The following GAD2 variants were observed in gnomAD, a reference collection of about 807,000 sequenced individuals.
The protein encoded by GAD2 is glutamate decarboxylase 2.
A neutral mutation model predicts 80.1 loss-of-function variants in GAD2; 22 were observed. The ratio of observed to expected loss-of-function variants is 0.27; its 90% CI spans 0.20 to 0.39. The LOEUF is 0.39. GAD2 is among the 10% of genes least tolerant of loss of function. The pLI, the probability that GAD2 is intolerant of heterozygous loss-of-function variation, is 1.00. For missense variants in GAD2, 624 were observed against 738.4 expected, an observed-to-expected ratio of 0.85 and a Z score of 1.80; for synonymous variants, 274 against 256.9, an observed-to-expected ratio of 1.07 and a Z score of -0.64.
At chr10:26,247,064 A>G (rs1199821047) in intron 8 of GAD2, among the ~76,000 whole-genome samples, 4 of 152,232 alleles carry the variant, frequency 2.6e-5, no homozygotes, top group Non-Finnish European at 5.9e-5. Flanking sequence ...GTGAAATGAA[A>G]GCAAGTTTAT....
rs1247686822 is a variant in GAD2 at position 26,304,421 on chromosome 10, G to A, written c.*3460G>A. Reference sequence around the variant, plus strand: ...CCCCCAACATTACTCCATTACTAAAGACAGAAAAAAATAAAAACATAAAAT... The same window carrying A: ...CCCCCAACATTACTCCATTACTAAAAACAGAAAAAAATAAAAACATAAAAT... On this transcript the variant is annotated 3_prime_UTR_variant, in exon 16 of 16. Coordinates refer to ENST00000376261, the MANE Select transcript of GAD2 (RefSeq NM_001134366.2). 1 of 152,516 alleles carries A rather than the reference G, an allele frequency of 6.6e-6. No individual in the cohort carries two copies. The highest frequency in any genetic ancestry group is 1.9e-4 in the East Asian group (1 of 5,204). 9.4% of individuals were successfully genotyped at this position (152,516 alleles called of 1,614,324 possible).
chr10:26,253,948 G>T (rs1844912788), intron 8 of GAD2, among the ~76,000 whole-genome samples: 1 of 152,042 alleles, frequency 6.6e-6, no homozygotes, highest in East Asian at 1.9e-4. Context: ...GAGGGGCGGG[G>T]GTGGCAGATG....
chr10:26,229,503 G>T (rs888268005), intron 6 of GAD2, among the ~76,000 whole-genome samples, 159 bp from the exon 7 acceptor site: 2 of 152,138 alleles, frequency 1.3e-5, no homozygotes, highest in African/African-American at 4.8e-5. Context: ...TGCCCTCTGG[G>T]GTAGCGCCTT....
intron 8 of GAD2, among the ~76,000 whole-genome samples, chr10:26,257,942 G>A (rs576271185): frequency 3.3e-5 from 5 of 152,290 alleles, no homozygotes; most frequent in South Asian, 2.1e-4. Context: ...CAGAGACACC[G>A]AATCGATTAT....
intron 7 of GAD2, among the ~76,000 whole-genome samples, chr10:26,236,327 TCTCA>T (rs1364777222): frequency 1.4e-5 from 2 of 142,158 alleles, no homozygotes; most frequent in Non-Finnish European, 3.0e-5. Context: ...TGAGATGGAG[TCTCA>T]CTCTTGTCGT....
chr10:26,224,419 A>G (rs903078265), intron 5 of GAD2, 120 bp from the exon 6 acceptor site: 28 of 725,808 alleles, frequency 3.9e-5, no homozygotes, highest in African/African-American at 7.2e-5. Context: ...GCTTAATGTT[A>G]TAATCATAAC....
At chr10:26,271,695 A>G (rs1421097881) in intron 10 of GAD2, among the ~76,000 whole-genome samples, 1 of 152,206 alleles carries the variant, frequency 6.6e-6, no homozygotes, top group Non-Finnish European at 1.5e-5. Context: ...CAGGGCTATA[A>G]CAATGATCTA....
intron 11 of GAD2, among the ~76,000 whole-genome samples, chr10:26,280,499 A>T (rs1845259663): frequency 6.6e-6 from 1 of 152,164 alleles, no homozygotes; most frequent in Non-Finnish European, 1.5e-5. Flanking sequence ...AAATGGTTGC[A>T]TTCTTTTGAG....
chr10:26,292,152 C>T (rs1311441785), intron 13 of GAD2, among the ~76,000 whole-genome samples: 9 of 152,182 alleles, frequency 5.9e-5, no homozygotes, highest in Admixed American at 2.0e-4. Flanking sequence ...TTATTAATGA[C>T]TTCCATGATT....
rs373756650 is a variant in GAD2 at position 26,229,149 on chromosome 10, G to A, written c.725-513G>A. Among the ~76,000 whole-genome samples, 89 of 151,736 alleles carry A rather than the reference G, an allele frequency of 5.9e-4. 2 individuals carry two copies. Among genetic ancestry groups the A allele is most frequent in the African/African-American group, 2.0e-3 (83 of 41,344 alleles). On this transcript the variant is annotated intron_variant, in intron 6 of 15. Transcript: ENST00000376261. ...ATAGAGGTGGCAGTGAGCGGAGATCGTGCCACTGCACTCCAGCCTGGGCGA... is the reference window on the plus strand; with the variant it reads ...ATAGAGGTGGCAGTGAGCGGAGATCATGCCACTGCACTCCAGCCTGGGCGA...
chr10:26,268,694 T>C (rs1393478134), intron 8 of GAD2, among the ~76,000 whole-genome samples: 1 of 152,190 alleles, frequency 6.6e-6, no homozygotes, highest in African/African-American at 2.4e-5. Flanking sequence ...TCAGAATGGA[T>C]TTTCTCTTCC....
intron 15 of GAD2, among the ~76,000 whole-genome samples, chr10:26,300,308 A>G (rs1274485369): frequency 6.6e-6 from 1 of 152,226 alleles, no homozygotes; most frequent in Non-Finnish European, 1.5e-5. Flanking sequence ...AGAGAGAACG[A>G]AAAGAAACTA....
chr10:26,285,489 A>C (rs1458948649), intron 12 of GAD2, among the ~76,000 whole-genome samples: 1 of 152,248 alleles, frequency 6.6e-6, no homozygotes, highest in African/African-American at 2.4e-5. Flanking sequence ...AAATTGAAAC[A>C]CGGGGTTTTT....
At chr10:26,260,303 A>G (rs1261340815) in intron 8 of GAD2, among the ~76,000 whole-genome samples, 1 of 152,134 alleles carries the variant, frequency 6.6e-6, no homozygotes, top group East Asian at 1.9e-4. Flanking sequence ...TATTGCGGGT[A>G]AATATTTGCA....
chr10:26,229,765 C>T lies in GAD2; in HGVS notation c.828C>T (p.Phe276=), dbSNP rs1219139959. ...CTGCTCTTCCCAGGCTCATTGCCTT[C>T]ACGTCTGAACATGTATGTGTTTCTT... ...GMAALPRLIA[F]TSEHSHFSLK... is the part of the protein sequence containing the mutation. The change falls in exon 7 of 16, where the codon TTC becomes TTT. Residue 276 remains phenylalanine, a synonymous_variant. Transcript: ENST00000376261. 6.2e-7 allele frequency: 1 copy of T among 1,610,506 alleles called. No individual in the cohort carries two copies. Among genetic ancestry groups the T allele is most frequent in the Admixed American group, 1.7e-5 (1 of 60,008 alleles).
chr10:26,237,942 G>T (rs1218891173), intron 7 of GAD2, among the ~76,000 whole-genome samples: 1 of 151,400 alleles, frequency 6.6e-6, no homozygotes, highest in African/African-American at 2.4e-5. Context: ...GGGAAGCAAA[G>T]GTTGCAGTGA....
intron 7 of GAD2, among the ~76,000 whole-genome samples, chr10:26,232,792 C>T (rs892404569): frequency 1.3e-5 from 2 of 152,148 alleles, no homozygotes; most frequent in Admixed American, 6.5e-5. Flanking sequence ...AGTGAGCCGC[C>T]ACGCCCAGAC....
At chr10:26,252,831 T>C (rs111817583) in intron 8 of GAD2, among the ~76,000 whole-genome samples, 16 of 151,480 alleles carry the variant, frequency 1.1e-4, no homozygotes, top group African/African-American at 3.9e-4. Flanking sequence ...GCTAATTTTG[T>C]ATTTTTAGTA....
intron 12 of GAD2, among the ~76,000 whole-genome samples, chr10:26,284,865 G>T (rs12252062): frequency 1.3e-5 from 2 of 152,028 alleles, no homozygotes; most frequent in Non-Finnish European, 2.9e-5. Context: ...CACCGCACCC[G>T]GCCATCCAGG....
Sources: gnomAD v4.1 joint callset for allele counts (sites outside exome capture counted in the v4.1 genomes callset) on GRCh38, gnomAD v4.1.1 for gene constraint, MANE v1.5 for transcripts, NCBI Gene and HGNC (gene_info 2026-07-23, HGNC 2026-07-21) for gene names.